The following ZNF592 variants were observed in gnomAD, a reference collection of about 807,000 sequenced individuals.
ZNF592 encodes spinocerebellar ataxia, autosomal recessive 5.
A neutral mutation model predicts 80.3 loss-of-function variants in ZNF592; 11 were observed. That is an observed-to-expected ratio of 0.14 (90% CI 0.09 to 0.23). The LOEUF (loss-of-function observed/expected upper bound fraction) is 0.23. Ranked by LOEUF, ZNF592 falls within the 10% of genes least tolerant of loss-of-function variation. The pLI, the probability that ZNF592 is intolerant of heterozygous loss-of-function variation, is 1.00. For synonymous variants in ZNF592, 646 were observed against 640.3 expected (o/e 1.01, Z -0.13); for missense variants, 1,420 against 1,633.9 (o/e 0.87, Z 2.26).
In ZNF592 at chr15:84,798,232, A is replaced by T; in HGVS notation, c.2577-83A>T. ...TCAGGGTAGTGCTTTCCCAAACTTG[A>T]CCCTGGTTCAGAGAGAGCAGAGATG... On this transcript the variant is annotated intron_variant, in intron 6 of 10. Coordinates refer to ENST00000560079, the MANE Select transcript of ZNF592 (RefSeq NM_014630.3). This position sits in a 1 kb window ranked among gnomAD's most constrained non-coding sequence, Gnocchi z 4.5. 1 of 1,605,008 alleles carries T rather than the reference A, an allele frequency of 6.2e-7. No homozygotes were observed. Among genetic ancestry groups the T allele is most frequent in the Non-Finnish European group, 8.5e-7 (1 of 1,175,530 alleles).
chr15:84,752,772 CTG>C (rs1899050057), intron 1 of ZNF592, among the ~76,000 whole-genome samples: 1 of 152,178 alleles, frequency 6.6e-6, no homozygotes, highest in Non-Finnish European at 1.5e-5. Flanking sequence ...GCTTCAGGAT[CTG>C]TTTCTCTGCT....
intron 5 of ZNF592, among the ~76,000 whole-genome samples, chr15:84,792,032 A>G (rs1246466984): frequency 4.0e-5 from 6 of 150,994 alleles, no homozygotes; most frequent in East Asian, 4.0e-4. Flanking sequence ...TGGCTAGTAT[A>G]TTTTAGAAAG....
chr15:84,751,517 G>A (rs1032068957), intron 1 of ZNF592, among the ~76,000 whole-genome samples: 3 of 152,020 alleles, frequency 2.0e-5, no homozygotes, highest in Non-Finnish European at 4.4e-5. Flanking sequence ...TACAGTTGTT[G>A]TACAGATTAA....
chr15:84,796,240 A>AAATTT (rs1567076151), intron 5 of ZNF592, among the ~76,000 whole-genome samples: 2 of 39,400 alleles, frequency 5.1e-5, no homozygotes, highest in Non-Finnish European at 7.6e-5. Flanking sequence ...AAAAAAAAAA[A>AAATTT]TATATATATA....
At chr15:84,791,705 G>T (rs190211403) in intron 5 of ZNF592, among the ~76,000 whole-genome samples, 158 of 152,308 alleles carry the variant, frequency 1.0e-3, no homozygotes, top group African/African-American at 3.7e-3. Context: ...ATAACCCAGA[G>T]TGCTAAGTCC....
At chr15:84,795,751 A>G (rs561338444) in intron 5 of ZNF592, among the ~76,000 whole-genome samples, 91 of 152,354 alleles carry the variant, frequency 6.0e-4, no homozygotes, top group Admixed American at 1.2e-3. Context: ...TAACTTGAAT[A>G]GAAACCCTAA....
rs1468207973 is a variant in ZNF592, at chr15:84,782,924, A to G, written c.249A>G (p.Lys83=). The change falls in exon 4 of 11, where the codon AAA becomes AAG. Residue 83 remains lysine (K), a synonymous_variant. Coordinates refer to ENST00000560079, the MANE Select transcript of ZNF592 (RefSeq NM_014630.3). ...TSRQESFEAE[K]DHITPSLLHN... ...GCCAGGAGTCATTTGAAGCGGAGAA[A>G]GACCACATTACTCCCAGTCTCCTAC... 2 of 1,614,214 alleles carry G rather than the reference A, an allele frequency of 1.2e-6. No homozygotes were observed.
At chr15:84,751,222 A>G (rs1392070001) in intron 1 of ZNF592, among the ~76,000 whole-genome samples, 1 of 152,232 alleles carries the variant, frequency 6.6e-6, no homozygotes, top group African/African-American at 2.4e-5. Flanking sequence ...TGCATACATT[A>G]TTGTATTTAA....
intron 2 of ZNF592, 85 bp downstream of exon 2, chr15:84,764,900 G>GTTT: frequency 7.3e-6 from 2 of 274,534 alleles, no homozygotes; most frequent in Non-Finnish European, 5.8e-6. Context: ...ATTTTGTTTT[G>GTTT]TTTTGTTTTG....
At chr15:84,786,510 T>C (rs1462116807) in intron 4 of ZNF592, among the ~76,000 whole-genome samples, 2 of 152,112 alleles carry the variant, frequency 1.3e-5, no homozygotes, top group East Asian at 1.9e-4. Flanking sequence ...CTTGGAAATA[T>C]TAGGGTAGAG....
chr15:84,798,991 G>T lies in ZNF592; in HGVS notation c.3025-107G>T. The T allele has an allele frequency of 1.3e-6, 2 of 1,590,762 alleles. No individual in the cohort carries two copies. On this transcript the variant is annotated intron_variant, in intron 8 of 10. Coordinates refer to ENST00000560079, the MANE Select transcript of ZNF592 (RefSeq NM_014630.3). This position sits in a 1 kb window ranked among gnomAD's most constrained non-coding sequence, Gnocchi z 4.5. ...GCAGGGTGGGTACCACAGATCTTGAGGTCTTCGGGAGTATCCTCCTTTCTG... is the reference window on the plus strand; with the variant it reads ...GCAGGGTGGGTACCACAGATCTTGATGTCTTCGGGAGTATCCTCCTTTCTG...
intron 2 of ZNF592, among the ~76,000 whole-genome samples, chr15:84,769,081 C>T (rs1247181571): frequency 6.6e-6 from 1 of 152,140 alleles, no homozygotes; most frequent in Non-Finnish European, 1.5e-5. Context: ...GCTGGGATTA[C>T]AGGTGTCCAC....
At chr15:84,750,016 T>G (rs1424758414) in intron 1 of ZNF592, among the ~76,000 whole-genome samples, 2 of 152,222 alleles carry the variant, frequency 1.3e-5, no homozygotes, top group Non-Finnish European at 2.9e-5. Context: ...TAATTAATAG[T>G]CGTGGCCGGG....
intron 2 of ZNF592, among the ~76,000 whole-genome samples, chr15:84,768,614 T>A (rs1346416459): frequency 2.0e-5 from 3 of 152,148 alleles, no homozygotes; most frequent in African/African-American, 7.2e-5. Flanking sequence ...GCTAGCCTTT[T>A]CTTTCCTCTG....
chr15:84,767,325 C>T lies in ZNF592; in HGVS notation c.-150+2510C>T, dbSNP rs1006902619. On this transcript the variant is annotated intron_variant, in intron 2 of 10. Coordinates refer to ENST00000560079, the MANE Select transcript of ZNF592 (RefSeq NM_014630.3). ...ACAGATGTGAGCCACCGTACCCGGCCAACACTGTTTTCTAGGGTCCTTTGC... is the reference window on the plus strand; with the variant it reads ...ACAGATGTGAGCCACCGTACCCGGCTAACACTGTTTTCTAGGGTCCTTTGC... Among the ~76,000 whole-genome samples the T allele has an allele frequency of 3.9e-5, 6 of 152,134 alleles. No individual in the cohort carries two copies. In the East Asian group the frequency reaches 1.2e-3, roughly 29 times the overall value.
intron 1 of ZNF592, among the ~76,000 whole-genome samples, chr15:84,763,101 C>T (rs1376534490): frequency 2.0e-5 from 3 of 152,198 alleles, no homozygotes; most frequent in African/African-American, 4.8e-5. Context: ...AATGTGAAAA[C>T]TGACCTGCTG....
intron 4 of ZNF592, among the ~76,000 whole-genome samples, chr15:84,786,022 G>A (rs1962577588): frequency 6.6e-6 from 1 of 152,164 alleles, no homozygotes; most frequent in Non-Finnish European, 1.5e-5. Flanking sequence ...CCCTAAGCTG[G>A]TGCTACAGAG....
Position 84,798,739 on chromosome 15 carries a change from G to A in ZNF592, c.2888G>A (p.Trp963Ter). ...ARSSSLPSGR[W>*]GRPEAHRRVE... Reference sequence around the variant, plus strand: ...AGCAGCTCCCTGCCTTCTGGCCGCTGGGGTAGGCCTGAAGCCCACCGCAGG... The same window carrying A: ...AGCAGCTCCCTGCCTTCTGGCCGCTAGGGTAGGCCTGAAGCCCACCGCAGG... The change falls in exon 8 of 11, where the codon TGG (tryptophan) becomes TAG (stop). Residue 963 changes from tryptophan to a stop codon, truncating the protein, a stop_gained. Transcript: ENST00000560079. LOFTEE classifies it high-confidence loss of function. This position sits in a 1 kb window ranked among gnomAD's most constrained non-coding sequence, Gnocchi z 4.5. 1 of 1,610,356 alleles carries A rather than the reference G, an allele frequency of 6.2e-7. No individual in the cohort carries two copies.
At position 84,798,072 on chromosome 15, in the gene ZNF592, C is replaced by A. The variant is rs943613639; in HGVS notation, c.2576+27C>A. The A allele has an allele frequency of 6.2e-7, 1 of 1,612,242 alleles. No homozygotes were observed. The highest frequency in any genetic ancestry group is 1.1e-5 in the South Asian group (1 of 91,000). ...TGAGTGCAGCTCCAGGGCCAGCAGGCCCTGTGGAGCAGAGAGGAGTAGCCT... is the reference window on the plus strand; with the variant it reads ...TGAGTGCAGCTCCAGGGCCAGCAGGACCTGTGGAGCAGAGAGGAGTAGCCT... On this transcript the variant is annotated intron_variant, in intron 6 of 10. Coordinates refer to ENST00000560079, the MANE Select transcript of ZNF592 (RefSeq NM_014630.3). The surrounding 1 kb of genome is among the most constrained non-coding windows in gnomAD (Gnocchi z 4.5).
Sources: gnomAD v4.1 joint callset for allele counts (sites outside exome capture counted in the v4.1 genomes callset) on GRCh38, gnomAD v4.1.1 for gene constraint, Gnocchi (gnomAD v3.1) non-coding constraint, MANE v1.5 for transcripts, NCBI Gene and HGNC (gene_info 2026-07-23, HGNC 2026-07-21) for gene names.